EBF3: variants seen among roughly 807,000 people sequenced by gnomAD.
The protein encoded by EBF3 is transcription factor COE3.
A neutral mutation model predicts 77.1 loss-of-function variants in EBF3; 18 were observed. The ratio of observed to expected loss-of-function variants is 0.23; its 90% CI spans 0.16 to 0.35. The LOEUF is 0.35. Among genes scored for constraint, EBF3 ranks in the 10% least tolerant of loss-of-function variants. EBF3 has a pLI of 1.00. For synonymous variants in EBF3, 350 were observed against 343.5 expected, an observed-to-expected ratio of 1.02 and a Z score of -0.21; for missense variants, 558 against 860.0, an observed-to-expected ratio of 0.65 and a Z score of 4.39.
chr10:129,956,374 C>A (rs192739784), intron 6 of EBF3, among the ~76,000 whole-genome samples: 3 of 152,296 alleles, frequency 2.0e-5, no homozygotes, highest in Admixed American at 2.0e-4. Context: ...ATTTGGGTAC[C>A]AATTTCAAAA....
chr10:129,845,232 C>A (rs918168437), intron 11 of EBF3: 6 of 152,188 alleles, frequency 3.9e-5, no homozygotes, highest in African/African-American at 1.4e-4. Context: ...TGTTTTGTTA[C>A]AATATGCCGA....
At chr10:129,929,351 C>A (rs1004207921) in intron 6 of EBF3, among the ~76,000 whole-genome samples, 1 of 151,988 alleles carries the variant, frequency 6.6e-6, no homozygotes, top group Admixed American at 6.6e-5. Context: ...ACTACAGGCA[C>A]CTGCCACCCA....
chr10:129,886,251 C>T (rs561183119), intron 6 of EBF3, among the ~76,000 whole-genome samples: 1 of 152,294 alleles, frequency 6.6e-6, no homozygotes, highest in South Asian at 2.1e-4. Context: ...GCCTATGCGG[C>T]TCTCTAGCCT....
At chr10:129,886,343 A>G (rs1222839484) in intron 6 of EBF3, among the ~76,000 whole-genome samples, 1 of 152,248 alleles carries the variant, frequency 6.6e-6, no homozygotes, top group Non-Finnish European at 1.5e-5. Context: ...ATTAGTTTTA[A>G]TGCAGGTAAT....
intron 6 of EBF3, among the ~76,000 whole-genome samples, chr10:129,889,946 CTTTTTTTTTTTTTTTTT>C (rs10665456): frequency 6.0e-5 from 5 of 82,880 alleles, no homozygotes; most frequent in East Asian, 5.0e-4. Flanking sequence ...ATTGAAGTGC[CTTTTTTTTTTTTTTTTT>C]TTTTTTTTTT....
At chr10:129,854,930 C>G (rs887726764) in intron 10 of EBF3, among the ~76,000 whole-genome samples, 1 of 152,202 alleles carries the variant, frequency 6.6e-6, no homozygotes, top group African/African-American at 2.4e-5. Context: ...GGCAGGAAGA[C>G]GTCAGGTCAC....
At chr10:129,929,948 G>A (rs531772976) in intron 6 of EBF3, among the ~76,000 whole-genome samples, 2 of 152,300 alleles carry the variant, frequency 1.3e-5, no homozygotes, top group East Asian at 3.9e-4. Flanking sequence ...AGCACACTGG[G>A]TAGGGAAGGT....
chr10:129,865,430 C>G (rs1851935470), intron 10 of EBF3, among the ~76,000 whole-genome samples: 1 of 152,140 alleles, frequency 6.6e-6, no homozygotes, highest in African/African-American at 2.4e-5. Flanking sequence ...ACATGGAAGC[C>G]AAGAGGTGTC....
Position 129,867,185 on chromosome 10 carries a change from G to C in EBF3, c.995C>G (p.Ser332Cys). Residue 332 changes from serine to cysteine, a missense_variant, in exon 10 of 17, where the codon TCC (serine) becomes TGC (cysteine). This residue lies in a region of EBF3 where 112 missense variants were observed against 207.7 expected (regional missense o/e 0.54). Transcript: ENST00000440978. ...GVVEVTLSYK[S>C]KQFCKGAPGR... ...AGGAGCACCTTTGCAGAACTGCTTG[G>C]ATTTGTAGGAGAGGGTCACTTCGAC... 6.2e-7 allele frequency: 1 copy of C among 1,614,144 alleles called. No homozygotes were observed. Among genetic ancestry groups the C allele is most frequent in the Non-Finnish European group, 8.5e-7 (1 of 1,180,034 alleles).
chr10:129,845,610 TGTTA>T (rs1242737988), intron 11 of EBF3: 2 of 152,226 alleles, frequency 1.3e-5, no homozygotes, highest in South Asian at 2.1e-4. Flanking sequence ...GCAATTATTC[TGTTA>T]GTTCTTGCCT....
chr10:129,950,155 T>C (rs992505207), intron 6 of EBF3, among the ~76,000 whole-genome samples: 4 of 152,182 alleles, frequency 2.6e-5, no homozygotes, highest in Non-Finnish European at 4.4e-5. Context: ...AGCCGACTCC[T>C]TCCGTTCGCG....
At chr10:129,956,036 T>C (rs1309361041) in intron 6 of EBF3, among the ~76,000 whole-genome samples, 1 of 152,240 alleles carries the variant, frequency 6.6e-6, no homozygotes, top group African/African-American at 2.4e-5. Flanking sequence ...TTGTTCTCAA[T>C]TGCCTGAGTG....
At chr10:129,898,204 G>A (rs548344310) in intron 6 of EBF3, among the ~76,000 whole-genome samples, 3 of 152,210 alleles carry the variant, frequency 2.0e-5, no homozygotes, top group Non-Finnish European at 2.9e-5. Context: ...TCATTAGTCT[G>A]AAGAGCAAAG....
intron 6 of EBF3, among the ~76,000 whole-genome samples, chr10:129,922,792 A>G (rs11598130): frequency 0.35 from 52,976 of 152,142 alleles, 10,822 homozygotes; most frequent in Admixed American, 0.5. Flanking sequence ...AGAGCTGCCC[A>G]CATCTTACAC....
intron 6 of EBF3, among the ~76,000 whole-genome samples, chr10:129,922,222 A>C (rs761823558): frequency 9.2e-5 from 14 of 152,148 alleles, no homozygotes; most frequent in Non-Finnish European, 1.9e-4. Flanking sequence ...AGCCCTCCTC[A>C]ATTATCCGAA....
chr10:129,916,530 G>C (rs188621606), intron 6 of EBF3, among the ~76,000 whole-genome samples: 1 of 152,208 alleles, frequency 6.6e-6, no homozygotes, highest in Non-Finnish European at 1.5e-5. Context: ...GCACAGCCTA[G>C]AGAAGCGTTT....
At chr10:129,957,185 T>C (rs1193234198) in intron 6 of EBF3, 73 bp downstream of exon 6, 3 of 1,401,874 alleles carry the variant, frequency 2.1e-6, no homozygotes, top group Non-Finnish European at 2.0e-6. Flanking sequence ...ATGGAGCAAC[T>C]GGAAACCAAG....
At position 129,837,916 on chromosome 10, in the gene EBF3, A is replaced by T; in HGVS notation, c.*27T>A. 3 of 1,611,854 alleles carry T rather than the reference A, an allele frequency of 1.9e-6. No homozygotes were observed. Among genetic ancestry groups the T allele is most frequent in the Non-Finnish European group, 2.5e-6 (3 of 1,180,014 alleles). ...TTTGATGCTGGGTGCTGCGGAAGGTAAACAGAAGTCCCTCACATTGGCGGG... is the reference window on the plus strand; with the variant it reads ...TTTGATGCTGGGTGCTGCGGAAGGTTAACAGAAGTCCCTCACATTGGCGGG... On this transcript the variant is annotated 3_prime_UTR_variant, in exon 17 of 17. Coordinates refer to ENST00000440978, the MANE Select transcript of EBF3 (RefSeq NM_001375380.1).
intron 6 of EBF3, among the ~76,000 whole-genome samples, chr10:129,901,722 A>C (rs1854793634): frequency 6.6e-6 from 1 of 152,240 alleles, no homozygotes; most frequent in Non-Finnish European, 1.5e-5. Flanking sequence ...GCAAATCACT[A>C]AAATGATCCT....
Sources: gnomAD v4.1 joint callset for allele counts (sites outside exome capture counted in the v4.1 genomes callset) on GRCh38, gnomAD v4.1.1 for gene constraint, gnomAD v4.1.1 regional missense constraint, MANE v1.5 for transcripts, NCBI Gene and HGNC (gene_info 2026-07-23, HGNC 2026-07-21) for gene names.